CDH12: variants seen among roughly 807,000 people sequenced by gnomAD.
CDH12 encodes cadherin 12.
CDH12 carries 41 observed loss-of-function variants against 74.1 expected under a neutral mutation model. The observed-to-expected ratio is 0.55, with a 90% confidence interval of 0.43 to 0.72. CDH12 has a LOEUF of 0.72. Ranked by LOEUF, CDH12 falls within the 30% of genes least tolerant of loss-of-function variation. CDH12 has a pLI of 0.00. For missense variants in CDH12, 945 were observed against 977.2 expected, an observed-to-expected ratio of 0.97 and a Z score of 0.44; for synonymous variants, 399 against 355.0, an observed-to-expected ratio of 1.12 and a Z score of -1.39.
chr5:22,524,782 T>C lies in CDH12; in HGVS notation c.-522-19418A>G, dbSNP rs149558353. On this transcript the variant is annotated intron_variant, in intron 1 of 14. Transcript: ENST00000382254. ...CAAGTGACACATGTCACATCTCATA[T>C]TTTATTTTATTTTTATTTTTATTTT... 2.4e-3 allele frequency among the ~76,000 whole-genome samples: 365 copies of C among 151,984 alleles called. 3 individuals are homozygous for C. Among genetic ancestry groups the C allele is most frequent in the African/African-American group, 8.5e-3 (353 of 41,378 alleles).
At chr5:22,484,975 T>G (rs1746529589) in intron 2 of CDH12, among the ~76,000 whole-genome samples, 1 of 152,142 alleles carries the variant, frequency 6.6e-6, no homozygotes, top group African/African-American at 2.4e-5. Flanking sequence ...TGTAAAGATC[T>G]AAAAAATATT....
intron 4 of CDH12, among the ~76,000 whole-genome samples, chr5:22,087,539 G>A (rs1421945442): frequency 6.6e-6 from 1 of 152,102 alleles, no homozygotes; most frequent in Non-Finnish European, 1.5e-5. Context: ...TGCTTGGGAG[G>A]CTGAGGCAGG....
intron 3 of CDH12, among the ~76,000 whole-genome samples, chr5:22,249,778 G>T (rs1753074769): frequency 6.6e-6 from 1 of 152,144 alleles, no homozygotes; most frequent in South Asian, 2.1e-4. Context: ...TTCTGGAAAG[G>T]TAATGGAGAA....
chr5:22,744,428 C>CA (rs11398488), intron 1 of CDH12, among the ~76,000 whole-genome samples: 42,774 of 145,916 alleles, frequency 0.29, 6,376 homozygotes, highest in South Asian at 0.37. Context: ...GACTCCGTCT[C>CA]AAAAAAAAAC....
chr5:22,001,592 T>G (rs1180481532), intron 5 of CDH12, among the ~76,000 whole-genome samples: 3 of 152,108 alleles, frequency 2.0e-5, no homozygotes, highest in African/African-American at 7.2e-5. Flanking sequence ...TCACCCAGGT[T>G]ATAGGCATGG....
rs1047242971 is a variant in CDH12, at chr5:22,490,092, G to A, written c.-428+15178C>T. Among the ~76,000 whole-genome samples, 25 of 151,910 alleles carry A rather than the reference G, an allele frequency of 1.6e-4. 1 individual carries two copies. The highest frequency in any genetic ancestry group is 4.4e-5 in the Non-Finnish European group (3 of 68,018). On this transcript the variant is annotated intron_variant, in intron 2 of 14. Transcript: ENST00000382254. ...TAAATTATATGTCCACTGGATTTAA[G>A]TAATACAATCTTAATAGCTAGAGCA...
chr5:22,476,323 AC>A (rs1201135504), intron 2 of CDH12, among the ~76,000 whole-genome samples: 6 of 152,130 alleles, frequency 3.9e-5, no homozygotes, highest in Non-Finnish European at 7.4e-5. Flanking sequence ...AAGGAATTAA[AC>A]CAAATTATAT....
intron 5 of CDH12, among the ~76,000 whole-genome samples, chr5:22,003,007 A>C (rs534654445): frequency 1.3e-5 from 2 of 152,192 alleles, no homozygotes; most frequent in Non-Finnish European, 2.9e-5. Context: ...ATTTAAACAA[A>C]AAGGGGCTTT....
chr5:21,942,522 A>T (rs1398913457), intron 6 of CDH12, among the ~76,000 whole-genome samples: 3 of 151,748 alleles, frequency 2.0e-5, no homozygotes, highest in African/African-American at 7.3e-5. Flanking sequence ...TAGTTATATA[A>T]ATAGTGCTCT....
At position 21,774,983 on chromosome 5, in the gene CDH12, T is replaced by C. The variant is rs147294153; in HGVS notation, c.1393+8375A>G. ...AGGGAGCTTGTTTGAAATGGAGATT[T>C]CTTGGCAGTACTCCCAGAAAGTCTG... On this transcript the variant is annotated intron_variant, in intron 11 of 14. Transcript: ENST00000382254. Among the ~76,000 whole-genome samples, 6 of 152,244 alleles carry C rather than the reference T, an allele frequency of 3.9e-5. No homozygotes were observed. In the East Asian group the frequency reaches 1.2e-3, roughly 29 times the overall value.
At chr5:21,960,339 T>C (rs1756299991) in intron 6 of CDH12, among the ~76,000 whole-genome samples, 1 of 152,162 alleles carries the variant, frequency 6.6e-6, no homozygotes, top group African/African-American at 2.4e-5. Context: ...GCATCTCTAC[T>C]GCTTATGCTT....
chr5:22,601,931 T>C (rs917769751), intron 1 of CDH12, among the ~76,000 whole-genome samples: 1 of 152,100 alleles, frequency 6.6e-6, no homozygotes. Flanking sequence ...ATGGCAATCA[T>C]ACAACAATTG....
chr5:22,850,271 A>AT (rs1737491564), intron 1 of CDH12, among the ~76,000 whole-genome samples: 2 of 151,952 alleles, frequency 1.3e-5, no homozygotes, highest in Admixed American at 6.6e-5. Flanking sequence ...ACACACACAC[A>AT]TTTTCCTTTT....
intron 1 of CDH12, among the ~76,000 whole-genome samples, chr5:22,592,342 C>T (rs1157994479): frequency 6.6e-6 from 1 of 152,046 alleles, no homozygotes; most frequent in Non-Finnish European, 1.5e-5. Flanking sequence ...TTCTTCTTTC[C>T]TCTCTTCTCT....
At chr5:22,437,888 T>A (rs1281822063) in intron 2 of CDH12, among the ~76,000 whole-genome samples, 1 of 152,082 alleles carries the variant, frequency 6.6e-6, no homozygotes, top group African/African-American at 2.4e-5. Flanking sequence ...TTGACATTTA[T>A]CTTTGTTAAA....
chr5:21,832,422 T>C lies in CDH12; in HGVS notation c.814+9739A>G, dbSNP rs1280653456. On this transcript the variant is annotated intron_variant, in intron 8 of 14. Coordinates refer to ENST00000382254, the MANE Select transcript of CDH12 (RefSeq NM_004061.5). ...CCTAGTAAAACTCATGATCTCCTTA[T>C]AGGAGAATCTGGAGCACAGTGTTTT... 2.6e-5 allele frequency among the ~76,000 whole-genome samples: 4 copies of C among 152,178 alleles called. No individual in the cohort carries two copies. The East Asian group carries it at 7.7e-4, about 29-fold the overall frequency.
intron 1 of CDH12, among the ~76,000 whole-genome samples, chr5:22,770,794 A>G (rs1746767399): frequency 1.3e-5 from 2 of 152,078 alleles, no homozygotes; most frequent in Non-Finnish European, 2.9e-5. Flanking sequence ...TTTCTTATAA[A>G]CATTTATTGT....
intron 6 of CDH12, among the ~76,000 whole-genome samples, chr5:21,868,381 C>T (rs972532996): frequency 1.3e-5 from 2 of 152,128 alleles, no homozygotes; most frequent in African/African-American, 4.8e-5. Flanking sequence ...TAGAGCTGGT[C>T]TCAAGAAACC....
intron 1 of CDH12, among the ~76,000 whole-genome samples, chr5:22,646,692 G>A (rs1739452007): frequency 6.6e-6 from 1 of 151,838 alleles, no homozygotes; most frequent in South Asian, 2.1e-4. Context: ...TACACATGGG[G>A]CTCAGATCAC....
Sources: allele counts gnomAD v4.1 joint callset (sites outside exome capture counted in the v4.1 genomes callset), GRCh38; gene constraint gnomAD v4.1.1; transcripts MANE v1.5; gene names NCBI Gene and HGNC (gene_info 2026-07-23, HGNC 2026-07-21).